KAT6B: variants seen among roughly 807,000 people sequenced by gnomAD.
KAT6B encodes the protein lysine acetyltransferase 6B.
KAT6B carries 10 observed loss-of-function variants against 187.5 expected under a neutral mutation model. The ratio of observed to expected loss-of-function variants is 0.05; its 90% CI spans 0.03 to 0.09. The LOEUF (loss-of-function observed/expected upper bound fraction) is 0.09. Ranked by LOEUF, KAT6B falls within the 10% of genes least tolerant of loss-of-function variation. KAT6B has a pLI of 1.00. For missense variants in KAT6B, 1,952 were observed against 2,558.9 expected (o/e 0.76, Z 5.12); for synonymous variants, 861 against 926.8 (o/e 0.93, Z 1.29).
At chr10:74,943,429 T>G (rs1849841806) in intron 3 of KAT6B, among the ~76,000 whole-genome samples, 1 of 152,112 alleles carries the variant, frequency 6.6e-6, no homozygotes, top group Non-Finnish European at 1.5e-5. Flanking sequence ...CCAGTAAAGA[T>G]CCCAAAAAGC....
Position 74,977,417 on chromosome 10 carries a change from G to A in KAT6B, c.2095G>A (p.Ala699Thr), listed in dbSNP as rs202037961. ...TEEDLDVFKQ[A>T]QELSWEKIEC... ...AGAGGATTTGGATGTTTTTAAGCAG[G>A]CCCAGGAACTTTCTTGGGAGGTAAG... The change falls in exon 9 of 18, where the codon GCC becomes ACC. Residue 699 changes from alanine (A) to threonine (T), a missense_variant. By Grantham distance (58) the Ala-to-Thr change is moderately conservative. This residue lies in a region of KAT6B where 417 missense variants were observed against 508.9 expected (regional missense o/e 0.82). Coordinates refer to ENST00000287239, the MANE Select transcript of KAT6B (RefSeq NM_012330.4). The A allele has an allele frequency of 1.1e-5, 17 of 1,613,874 alleles. No homozygotes were observed. In the African/African-American group the frequency reaches 2.0e-4, roughly 19 times the overall value.
At chr10:74,977,101 G>T in intron 8 of KAT6B, 3 of 458,464 alleles carry the variant, frequency 6.5e-6, no homozygotes, top group South Asian at 6.4e-5. Flanking sequence ...GCTGTAAAAA[G>T]ATGACAGTGA....
chr10:74,851,490 GC>G (rs1842481127), intron 3 of KAT6B, among the ~76,000 whole-genome samples: 1 of 151,830 alleles, frequency 6.6e-6, no homozygotes, highest in African/African-American at 2.4e-5. Context: ...GCACCACCAC[GC>G]CCAGCTAATT....
intron 3 of KAT6B, among the ~76,000 whole-genome samples, chr10:74,906,565 A>G (rs1846770736): frequency 1.3e-5 from 2 of 152,224 alleles, no homozygotes; most frequent in African/African-American, 4.8e-5. Context: ...TATTCTGAAA[A>G]GAATATGGGA....
Position 74,907,510 on chromosome 10 carries a change from TTTTTTCTTTTTC to T in KAT6B, c.622-52442_622-52431del, listed in dbSNP as rs774952241. Among the ~76,000 whole-genome samples the T allele has an allele frequency of 9.3e-4, 142 of 152,240 alleles. 1 individual carries two copies. Among genetic ancestry groups the T allele is most frequent in the Admixed American group, 2.2e-3 (34 of 15,292 alleles). On this transcript the variant is annotated intron_variant, in intron 3 of 17. Transcript: ENST00000287239. Reference sequence around the variant, plus strand: ...AGTCATTTGCTTCATGTGACTTTTCTTTTTTCTTTTTCTTTTTCTTTTTCTTTTTTTCTGAGG... The same window carrying T: ...AGTCATTTGCTTCATGTGACTTTTCTTTTTTCTTTTTCTTTTTTTCTGAGG...
Position 75,029,390 on chromosome 10 carries a change from A to G in KAT6B, c.4566A>G (p.Glu1522=), listed in dbSNP as rs1846137770. 6.2e-7 allele frequency: 1 copy of G among 1,614,144 alleles called. No homozygotes were observed. The highest frequency in any genetic ancestry group is 8.5e-7 in the Non-Finnish European group (1 of 1,180,016). The change falls in exon 18 of 18, where the codon GAA becomes GAG. Residue 1522 remains glutamate (E), a synonymous_variant. Coordinates refer to ENST00000287239, the MANE Select transcript of KAT6B (RefSeq NM_012330.4). The surrounding 1 kb of genome is among the most constrained non-coding windows in gnomAD (Gnocchi z 6.2). Reference sequence around the variant, plus strand: ...AGCAGGACCAAAAGAACAGCAAGGAAGTCGATACAGAGTTCAAAGAGGGAA... The same window carrying G: ...AGCAGGACCAAAAGAACAGCAAGGAGGTCGATACAGAGTTCAAAGAGGGAA... ...AQKQDQKNSK[E]VDTEFKEGNP... is the part of the protein sequence containing the mutation.
chr10:75,009,496 ATAT>A (rs1844445944), intron 13 of KAT6B, among the ~76,000 whole-genome samples: 2 of 152,180 alleles, frequency 1.3e-5, no homozygotes, highest in African/African-American at 4.8e-5. Context: ...AGCTCTGCTA[ATAT>A]TAATGTATTG....
Position 74,832,985 on chromosome 10 carries a change from C to G in KAT6B, c.-328-5698C>G, listed in dbSNP as rs1356148478. Among the ~76,000 whole-genome samples the G allele has an allele frequency of 2.6e-5, 4 of 151,074 alleles. No homozygotes were observed. The East Asian group carries it at 7.9e-4, about 30-fold the overall frequency. ...TAAAAATAAAAACAACAACAACAAA[C>G]AAACAATGGCATGGTGGCATGTGCC... On this transcript the variant is annotated intron_variant, in intron 1 of 17. Transcript: ENST00000287239.
rs1845725809 is a variant in KAT6B at position 75,025,181 on chromosome 10, A to T, written c.3596A>T (p.Lys1199Met). Residue 1199 changes from lysine to methionine, a missense_variant, in exon 17 of 18, where the codon AAG (lysine) becomes ATG (methionine). Lys to Met is a moderately conservative substitution (Grantham distance 95). Coordinates refer to ENST00000287239, the MANE Select transcript of KAT6B (RefSeq NM_012330.4). ...AAAGCATTCCAGCATCAGCCTGGGA[A>T]GAAAAGACAAACAGAGGAAGAGGAA... Reference protein sequence around the residue: ...LRKAFQHQPGKKRQTEEEEGK... With the variant: ...LRKAFQHQPGMKRQTEEEEGK... 1 of 1,614,126 alleles carries T rather than the reference A, an allele frequency of 6.2e-7. No individual in the cohort carries two copies. Among genetic ancestry groups the T allele is most frequent in the South Asian group, 1.1e-5 (1 of 91,092 alleles).
In KAT6B at chr10:74,956,830, T is replaced by G. The variant is rs55957449; in HGVS notation, c.622-3140T>G. Among the ~76,000 whole-genome samples the G allele has an allele frequency of 2.4e-3, 369 of 152,356 alleles. 3 individuals carry two copies. The highest frequency in any genetic ancestry group is 8.3e-3 in the African/African-American group (346 of 41,582). ...AAGGAGATCCTTCCAGAGCACAGTT[T>G]GCTGGATGTATTCATCTTTAGACTT... On this transcript the variant is annotated intron_variant, in intron 3 of 17. Coordinates refer to ENST00000287239, the MANE Select transcript of KAT6B (RefSeq NM_012330.4).
chr10:74,834,559 C>T (rs2131988590), intron 1 of KAT6B, among the ~76,000 whole-genome samples: 1 of 151,856 alleles, frequency 6.6e-6, no homozygotes, highest in Non-Finnish European at 1.5e-5. Context: ...TGCTCTATTG[C>T]CTAGGCTGGA....
In KAT6B at chr10:74,842,969, A is replaced by G. The variant is rs774022852; in HGVS notation, c.112A>G (p.Thr38Ala). Reference sequence around the variant, plus strand: ...AGAGAGAATCTGCCATGCGGTCAGTACTTCCCATGGGTTGGATAAGAAGAC... The same window carrying G: ...AGAGAGAATCTGCCATGCGGTCAGTGCTTCCCATGGGTTGGATAAGAAGAC... Reference protein sequence around the residue: ...SEERICHAVSTSHGLDKKTVS... With the variant: ...SEERICHAVSASHGLDKKTVS... The change falls in exon 3 of 18, where the codon ACT (threonine) becomes GCT (alanine). Residue 38 changes from threonine to alanine, a missense_variant. By Grantham distance (58) the Thr-to-Ala change is moderately conservative. This residue lies in a region of KAT6B where 218 missense variants were observed against 282.6 expected (regional missense o/e 0.77). Coordinates refer to ENST00000287239, the MANE Select transcript of KAT6B (RefSeq NM_012330.4). The G allele has an allele frequency of 1.1e-5, 18 of 1,614,094 alleles. 1 individual carries two copies. The South Asian group carries it at 1.8e-4, about 16-fold the overall frequency.
chr10:74,929,322 TC>T (rs1337614617), intron 3 of KAT6B, among the ~76,000 whole-genome samples: 2 of 152,248 alleles, frequency 1.3e-5, no homozygotes, highest in African/African-American at 4.8e-5. Context: ...GGCTAATGTT[TC>T]CAGGTGCTCT....
chr10:74,852,132 C>G (rs1441395349), intron 3 of KAT6B, among the ~76,000 whole-genome samples: 1 of 152,192 alleles, frequency 6.6e-6, no homozygotes, highest in African/African-American at 2.4e-5. Flanking sequence ...TATTTTTTAT[C>G]TGCTAATTAT....
At chr10:74,903,416 T>A (rs1215340806) in intron 3 of KAT6B, among the ~76,000 whole-genome samples, 1 of 152,174 alleles carries the variant, frequency 6.6e-6, no homozygotes, top group African/African-American at 2.4e-5. Context: ...GAAAGAGTGA[T>A]CTGAAGCATG....
rs140359323 is a variant in KAT6B at position 75,030,794 on chromosome 10, C to T, written c.5970C>T (p.Asn1990=). 312 of 1,614,210 alleles carry T rather than the reference C, an allele frequency of 1.9e-4. 2 individuals carry two copies. Among genetic ancestry groups the T allele is most frequent in the African/African-American group, 1.3e-3 (99 of 75,058 alleles). The change falls in exon 18 of 18, where the codon AAC becomes AAT. Residue 1990 remains asparagine, a synonymous_variant. Coordinates refer to ENST00000287239, the MANE Select transcript of KAT6B (RefSeq NM_012330.4). The surrounding 1 kb of genome is among the most constrained non-coding windows in gnomAD (Gnocchi z 4.8). The part of the protein sequence containing the change: ...NSVNMNMNTL[N]AMNGYSMSQP... ...TGAACATGAACATGAACACTCTCAA[C>T]GCCATGAATGGGTACAGCATGTCCC...
chr10:75,030,771 A>C lies in KAT6B; in HGVS notation c.5947A>C (p.Asn1983His), dbSNP rs769209562. 1 of 1,614,202 alleles carries C rather than the reference A, an allele frequency of 6.2e-7. No individual in the cohort carries two copies. Among genetic ancestry groups the C allele is most frequent in the Non-Finnish European group, 8.5e-7 (1 of 1,180,016 alleles). ...PAPAYNVNSV[N>H]MNMNTLNAMN... ...GCCAGCCTACAATGTCAACTCTGTGAACATGAACATGAACACTCTCAACGC... is the reference window on the plus strand; with the variant it reads ...GCCAGCCTACAATGTCAACTCTGTGCACATGAACATGAACACTCTCAACGC... Residue 1983 changes from asparagine (N) to histidine (H), a missense_variant, in exon 18 of 18, where the codon AAC becomes CAC. Around this residue, in one of 9 missense-constraint regions of KAT6B, gnomAD observed 358 missense variants for 436.3 expected, o/e 0.82. Coordinates refer to ENST00000287239, the MANE Select transcript of KAT6B (RefSeq NM_012330.4). This position sits in a 1 kb window ranked among gnomAD's most constrained non-coding sequence, Gnocchi z 4.8.
At chr10:74,987,392 C>G (rs1225573586) in intron 12 of KAT6B, among the ~76,000 whole-genome samples, 1 of 151,916 alleles carries the variant, frequency 6.6e-6, no homozygotes, top group Non-Finnish European at 1.5e-5. Context: ...GAGATTGCAC[C>G]ACTGCACTCC....
chr10:74,942,971 T>C (rs1225012557), intron 3 of KAT6B, among the ~76,000 whole-genome samples: 1 of 152,120 alleles, frequency 6.6e-6, no homozygotes, highest in African/African-American at 2.4e-5. Flanking sequence ...ATAATGTCTC[T>C]TACAGTATTA....
Sources: allele counts gnomAD v4.1 joint callset (sites outside exome capture counted in the v4.1 genomes callset), GRCh38; gene constraint gnomAD v4.1.1; regional missense constraint gnomAD v4.1.1; non-coding constraint Gnocchi (gnomAD v3.1); transcripts MANE v1.5; gene names NCBI Gene and HGNC (gene_info 2026-07-23, HGNC 2026-07-21).